Variants in OPRM1 observed in about 807,000 individuals in gnomAD.
OPRM1 encodes the protein mu-type opioid receptor.
Under a neutral mutation model 31.8 loss-of-function variants are expected in OPRM1, and 27 were observed. That is an observed-to-expected ratio of 0.85 (90% CI 0.63 to 1.17). The LOEUF (loss-of-function observed/expected upper bound fraction) is 1.17. Among genes scored for constraint, OPRM1 ranks in the 50% most tolerant of loss-of-function variants. The probability of loss-of-function intolerance (pLI) is 0.00; values close to 1 mark genes in which losing one functional copy is unlikely to be tolerated. For synonymous variants in OPRM1, 196 were observed against 189.9 expected, an observed-to-expected ratio of 1.03 and a Z score of -0.26; for missense variants, 536 against 511.1, an observed-to-expected ratio of 1.05 and a Z score of -0.47.
At chr6:154,109,778 CT>C (rs1796116603) in intron 3 of OPRM1, among the ~76,000 whole-genome samples, 2 of 111,200 alleles carry the variant, frequency 1.8e-5, no homozygotes, top group Non-Finnish European at 4.2e-5. Context: ...CTCTCTCTCT[CT>C]CTCTCTCTCT....
At chr6:154,136,800 T>C (rs764310327), downstream of OPRM1, among the ~76,000 whole-genome samples, 5 of 152,128 alleles carry the variant, frequency 3.3e-5, no homozygotes, top group Non-Finnish European at 7.3e-5. Flanking sequence ...GATGCCAACA[T>C]GTGACTTGCA....
In OPRM1 at chr6:154,110,825, T is replaced by A. The variant is rs529758704; in HGVS notation, c.1165-7858T>A. 1.1e-4 allele frequency among the ~76,000 whole-genome samples: 16 copies of A among 139,402 alleles called. No individual in the cohort carries two copies. The East Asian group carries it at 3.5e-3, about 31-fold the overall frequency. The allele number at this position is 139,402 out of a possible 152,430, so 91.5% of individuals were successfully genotyped here. A position where few individuals can be genotyped will look rare whatever the true frequency, so the allele number is the denominator to read the frequency against. On this transcript the variant is annotated intron_variant, in intron 3 of 3. Coordinates refer to ENST00000330432, the MANE Select transcript of OPRM1 (RefSeq NM_000914.5). ...TGGCGTGAACCCGTGAGGCGGAGCT[T>A]GCAGTGAGCAGAGATCGCGCCACTG...
intron 1 of OPRM1, among the ~76,000 whole-genome samples, chr6:154,060,175 A>G (rs1233470238): frequency 6.6e-6 from 1 of 152,198 alleles, no homozygotes; most frequent in Non-Finnish European, 1.5e-5. Context: ...TTTTTGAAGC[A>G]GCACTAATGA....
chr6:154,024,870 G>T (rs1425681112), intron 1 of OPRM1, among the ~76,000 whole-genome samples: 1 of 151,746 alleles, frequency 6.6e-6, no homozygotes, highest in East Asian at 1.9e-4. Context: ...TCTTGATATT[G>T]ATTTCCAGTT....
chr6:154,034,282 C>G (rs763128286), upstream of OPRM1, among the ~76,000 whole-genome samples: 10 of 152,194 alleles, frequency 6.6e-5, no homozygotes, highest in Non-Finnish European at 1.5e-4. Context: ...CGGTGGCTCA[C>G]GCCTGTAATC....
chr6:154,091,187 CT>C lies in OPRM1; in HGVS notation c.880del (p.Cys294AlafsTer33). On this transcript the variant is annotated frameshift_variant, in exon 3 of 4. Transcript: ENST00000330432. LOFTEE classifies it high-confidence loss of function. The stretch of plus-strand genomic sequence containing the variant: ...TGGTGGTGGTGGCTGTGTTCATCGT[CT>C]GCTGGACTCCCATTCACATTTACGT... The part of the protein sequence containing the change: ...VLVVVAVFIV[C>X]WTPIHIYVII... The C allele has an allele frequency of 1.2e-6, 2 of 1,614,148 alleles. No homozygotes were observed. The highest frequency in any genetic ancestry group is 1.7e-6 in the Non-Finnish European group (2 of 1,180,026).
chr6:154,118,775 G>A lies in OPRM1; in HGVS notation c.*54G>A. ...CAAGCTTAGAAGCCACCATGTATGT[G>A]GAAGCAGGTTGCTTCAAGAATGTGT... On this transcript the variant is annotated 3_prime_UTR_variant, in exon 4 of 4. Transcript: ENST00000330432. 1 of 1,607,046 alleles carries A rather than the reference G, an allele frequency of 6.2e-7. No homozygotes were observed. Among genetic ancestry groups the A allele is most frequent in the Non-Finnish European group, 8.5e-7 (1 of 1,177,736 alleles).
intron 3 of OPRM1, among the ~76,000 whole-genome samples, chr6:154,189,192 T>C (rs1374585794): frequency 1.3e-5 from 2 of 152,198 alleles, no homozygotes; most frequent in Non-Finnish European, 2.9e-5. Flanking sequence ...TGCTAATCCA[T>C]AATCAAGATT....
intron 1 of OPRM1, among the ~76,000 whole-genome samples, chr6:154,079,728 G>A (rs911176478): frequency 2.0e-5 from 3 of 152,032 alleles, no homozygotes; most frequent in Non-Finnish European, 4.4e-5. Flanking sequence ...TCATTTTTTA[G>A]AGGTGAGATC....
At chr6:154,052,281 C>G (rs1782372981) in intron 1 of OPRM1, among the ~76,000 whole-genome samples, 1 of 152,154 alleles carries the variant, frequency 6.6e-6, no homozygotes, top group South Asian at 2.1e-4. Context: ...CACCGTGGCA[C>G]AAGTATACCT....
At chr6:154,045,096 C>T (rs1780850863) in intron 1 of OPRM1, among the ~76,000 whole-genome samples, 1 of 151,966 alleles carries the variant, frequency 6.6e-6, no homozygotes, top group Admixed American at 6.6e-5. Context: ...CTGGGTGGCG[C>T]ATGCTTGTAA....
chr6:154,066,272 G>T (rs1785383743), intron 1 of OPRM1, among the ~76,000 whole-genome samples: 1 of 152,066 alleles, frequency 6.6e-6, no homozygotes. Flanking sequence ...TTAGGGTAAT[G>T]CTGGCCTTAT....
rs937589149 is a variant in OPRM1, at chr6:154,110,760, A to G, written c.1165-7923A>G. ...AAACTTAGCAGGCGTGGTGGCGGGC[A>G]CCTGTAGTCCCAGCTACTCGGGAGG... is the stretch of plus-strand genomic sequence containing the variant. On this transcript the variant is annotated intron_variant, in intron 3 of 3. Transcript: ENST00000330432. Among the ~76,000 whole-genome samples, 5 of 151,986 alleles carry G rather than the reference A, an allele frequency of 3.3e-5. No individual in the cohort carries two copies. In the East Asian group the frequency reaches 7.8e-4, roughly 24 times the overall value.
chr6:154,200,102 C>G, intron 3 of OPRM1: 1 of 1,441,852 alleles, frequency 6.9e-7, no homozygotes, highest in Non-Finnish European at 9.3e-7. Flanking sequence ...CCATCATTCT[C>G]TACCTTTTAT....
intron 3 of OPRM1, among the ~76,000 whole-genome samples, chr6:154,143,661 C>T (rs747462301): frequency 5.3e-5 from 8 of 152,096 alleles, no homozygotes; most frequent in East Asian, 1.9e-4. Context: ...AGAGGTAGGA[C>T]GTTTAAGAGG....
rs190835961 is a variant in OPRM1, at chr6:154,184,342, A to T, written c.1165-62351A>T. ...TTCCATCTTTTGGAGAATAAATAAT[A>T]CTACTATACTAGTAGTAGTATAATA... On this transcript the variant is annotated intron_variant, in intron 3 of 3. Coordinates refer to the OPRM1 transcript ENST00000337049. 5.8e-3 allele frequency among the ~76,000 whole-genome samples: 880 copies of T among 152,210 alleles called. 11 individuals carry two copies. Among genetic ancestry groups the T allele is most frequent in the African/African-American group, 0.021 (853 of 41,544 alleles).
rs1350739322 is a variant in OPRM1, at chr6:154,120,529, A to G, written c.*1808A>G. On this transcript the variant is annotated 3_prime_UTR_variant, in exon 4 of 4. Transcript: ENST00000330432. ...TTTTCTGACAAAAGTAACTAAAACT[A>G]GGACCTTAAAAAGATTTAGAATGTT... is the stretch of plus-strand genomic sequence containing the variant. Among the ~76,000 whole-genome samples, 2 of 152,220 alleles carry G rather than the reference A, an allele frequency of 1.3e-5. No individual in the cohort carries two copies. The highest frequency in any genetic ancestry group is 1.3e-4 in the Admixed American group (2 of 15,276).
At chr6:154,012,036 A>G (rs1777756788) in intron 1 of OPRM1, among the ~76,000 whole-genome samples, 1 of 152,156 alleles carries the variant, frequency 6.6e-6, no homozygotes, top group Non-Finnish European at 1.5e-5. Flanking sequence ...TTTAGCAGTT[A>G]TATGATGAGA....
intron 1 of OPRM1, among the ~76,000 whole-genome samples, chr6:154,049,032 T>A (rs1781697069): frequency 6.6e-6 from 1 of 152,200 alleles, no homozygotes; most frequent in African/African-American, 2.4e-5. Flanking sequence ...ATTATAAAAT[T>A]TTCATCAGCT....
Sources: allele counts gnomAD v4.1 joint callset (sites outside exome capture counted in the v4.1 genomes callset), GRCh38; gene constraint gnomAD v4.1.1; transcripts MANE v1.5; gene names NCBI Gene and HGNC (gene_info 2026-07-23, HGNC 2026-07-21).